The following SRSF4 variants were observed in gnomAD, a reference collection of about 807,000 sequenced individuals.
SRSF4 encodes serine/arginine-rich splicing factor 4.
In SRSF4, 12 loss-of-function variants were observed where a neutral mutation model predicts 48.8. That is an observed-to-expected ratio of 0.25 (90% CI 0.16 to 0.40). SRSF4 has a LOEUF of 0.40. Among genes scored for constraint, SRSF4 ranks in the 10% least tolerant of loss-of-function variants. SRSF4 has a pLI of 1.00. For synonymous variants in SRSF4, 248 were observed against 232.5 expected (o/e 1.07, Z -0.61); for missense variants, 466 against 667.1 (o/e 0.70, Z 3.32).
intron 4 of SRSF4, among the ~76,000 whole-genome samples, chr1:29,152,846 G>C (rs1420852137): frequency 1.3e-5 from 2 of 151,576 alleles, no homozygotes; most frequent in African/African-American, 4.8e-5. Flanking sequence ...TTGAACCCGG[G>C]AGGTGGAAGT....
At chr1:29,150,315 A>G (rs922636360) in intron 4 of SRSF4, 123 bp from the exon 5 acceptor site, 13 of 423,542 alleles carry the variant, frequency 3.1e-5, no homozygotes, top group Non-Finnish European at 4.7e-5. Context: ...CCCAGGCTGG[A>G]GTGCAATGGC....
chr1:29,181,625 A>G, intron 1 of SRSF4, 21 bp downstream of exon 1: 2 of 1,567,114 alleles, frequency 1.3e-6, no homozygotes, highest in Non-Finnish European at 8.6e-7. Flanking sequence ...GCCCGGCCGG[A>G]CCCTCTTTCG....
At chr1:29,153,307 T>A (rs1315186335) in intron 4 of SRSF4, among the ~76,000 whole-genome samples, 2 of 151,864 alleles carry the variant, frequency 1.3e-5, no homozygotes, top group African/African-American at 4.8e-5. Flanking sequence ...CTGGCTAATT[T>A]TTTTTTACTT....
At chr1:29,149,363 G>A in intron 5 of SRSF4, 137 bp from the exon 6 acceptor site, 1 of 1,131,922 alleles carries the variant, frequency 8.8e-7, no homozygotes, top group South Asian at 1.6e-5. Context: ...ATTGTTTTCT[G>A]AACCCTCACA....
intron 1 of SRSF4, among the ~76,000 whole-genome samples, chr1:29,164,736 G>C (rs1376084476): frequency 6.6e-6 from 1 of 151,008 alleles, no homozygotes; most frequent in Non-Finnish European, 1.5e-5. Context: ...AGCAGGGATT[G>C]ACAGAAACAC....
Position 29,159,034 on chromosome 1 carries a change from A to T in SRSF4, c.363+340T>A, listed in dbSNP as rs948481284. ...AGATGGAGAATTGCTTGAACCCGGGAGGCGGAGGCTGCAGTGAGCAGAGAT... is the reference window on the plus strand; with the variant it reads ...AGATGGAGAATTGCTTGAACCCGGGTGGCGGAGGCTGCAGTGAGCAGAGAT... On this transcript the variant is annotated intron_variant, in intron 3 of 5. Transcript: ENST00000373795. Among the ~76,000 whole-genome samples the T allele has an allele frequency of 4.6e-5, 7 of 151,704 alleles. No individual in the cohort carries two copies. In the East Asian group the frequency reaches 1.4e-3, roughly 30 times the overall value.
intron 1 of SRSF4, among the ~76,000 whole-genome samples, chr1:29,175,019 A>AGTGC (rs1672817434): frequency 6.6e-6 from 1 of 151,700 alleles, no homozygotes; most frequent in Non-Finnish European, 1.5e-5. Context: ...AGAGAGACAG[A>AGTGC]GTGCGTGCGT....
chr1:29,158,906 G>A (rs1672548227), intron 3 of SRSF4, among the ~76,000 whole-genome samples: 1 of 152,040 alleles, frequency 6.6e-6, no homozygotes, highest in African/African-American at 2.4e-5. Context: ...TGGATCACAA[G>A]GTCAGGAGTT....
chr1:29,149,281 G>C, intron 5 of SRSF4, 55 bp from the exon 6 acceptor site: 1 of 1,574,866 alleles, frequency 6.3e-7, no homozygotes, highest in Non-Finnish European at 8.6e-7. Context: ...CTAATCAGGA[G>C]ATAAAAAGAC....
chr1:29,164,738 C>A (rs907806965), intron 1 of SRSF4, among the ~76,000 whole-genome samples: 3 of 150,570 alleles, frequency 2.0e-5, no homozygotes, highest in Non-Finnish European at 1.5e-5. Context: ...CAGGGATTGA[C>A]AGAAACACAA....
chr1:29,149,819 A>T (rs573909209), intron 5 of SRSF4, among the ~76,000 whole-genome samples: 1 of 152,076 alleles, frequency 6.6e-6, no homozygotes, highest in East Asian at 1.9e-4. Context: ...ATTTGAGGTC[A>T]TGAGTTTAAG....
chr1:29,178,353 C>CTTTTTTTTTTTT (rs3061128), intron 1 of SRSF4, among the ~76,000 whole-genome samples: 12 of 127,906 alleles, frequency 9.4e-5, no homozygotes, highest in South Asian at 5.0e-4. Flanking sequence ...GTTTCAATTA[C>CTTTTTTTTTTTT]TTTTTTTTTT....
At chr1:29,151,845 A>G (rs1672415027) in intron 4 of SRSF4, among the ~76,000 whole-genome samples, 2 of 152,278 alleles carry the variant, frequency 1.3e-5, no homozygotes, top group African/African-American at 4.8e-5. Flanking sequence ...ATAAATGTAC[A>G]GTGTGCTTGT....
intron 1 of SRSF4, among the ~76,000 whole-genome samples, chr1:29,179,601 A>C (rs939262217): frequency 4.6e-5 from 7 of 152,308 alleles, no homozygotes; most frequent in Admixed American, 1.3e-4. Context: ...TTCACACTTC[A>C]GCTGGGATTG....
In SRSF4 at chr1:29,148,869, G is replaced by A. The variant is rs773287115; in HGVS notation, c.1026C>T (p.Ser342=). 2 of 1,603,900 alleles carry A rather than the reference G, an allele frequency of 1.2e-6. No individual in the cohort carries two copies. The highest frequency in any genetic ancestry group is 2.2e-5 in the South Asian group (2 of 90,790). The change falls in exon 6 of 6, where the codon AGC becomes AGT. Residue 342 remains serine (S), a synonymous_variant. Coordinates refer to ENST00000373795, the MANE Select transcript of SRSF4 (RefSeq NM_005626.5). ...TGCTCTTGCTGCGGCTCCTGCTCCG[G>A]CTCCTGCTGCCCCCTTTGCTCCTGC... ...SRSRSKGGSR[S]RSRSRSKSKD...
chr1:29,174,606 T>G (rs573517782), intron 1 of SRSF4, among the ~76,000 whole-genome samples: 1 of 150,598 alleles, frequency 6.6e-6, no homozygotes, highest in Non-Finnish European at 1.5e-5. Flanking sequence ...TATAGTATGA[T>G]TCCAAGTTTG....
intron 1 of SRSF4, among the ~76,000 whole-genome samples, chr1:29,180,133 T>C (rs1036104705): frequency 2.0e-5 from 3 of 152,234 alleles, no homozygotes; most frequent in Non-Finnish European, 4.4e-5. Context: ...TTCAGAGAAG[T>C]AACTTGCCCA....
chr1:29,150,187 C>A lies in SRSF4; in HGVS notation c.584G>T (p.Arg195Leu), dbSNP rs1229902434. The A allele has an allele frequency of 1.2e-6, 2 of 1,613,562 alleles. No individual in the cohort carries two copies. The highest frequency in any genetic ancestry group is 8.5e-7 in the Non-Finnish European group (1 of 1,179,756). ...CTTACGGGAATGTCTGCTTCGAGAG[C>A]GAGACCTAGGGGGAGAAAATATTTT... ...YSRSRSHSRS[R>L]SRSRHSRKSR... Residue 195 changes from arginine (R) to leucine (L), a missense_variant, in exon 5 of 6, where the codon CGC becomes CTC. This residue lies in a region of SRSF4 where 402 missense variants were observed against 437.0 expected (regional missense o/e 0.92). Coordinates refer to ENST00000373795, the MANE Select transcript of SRSF4 (RefSeq NM_005626.5).
intron 1 of SRSF4, among the ~76,000 whole-genome samples, chr1:29,164,847 GAAGAAACTCCTTTC>G (rs1672647521): frequency 6.6e-6 from 1 of 152,186 alleles, no homozygotes; most frequent in African/African-American, 2.4e-5. Flanking sequence ...TCAAGTAAGA[GAAGAAACTCCTTTC>G]TTTAATGTTT....
Sources: allele counts gnomAD v4.1 joint callset (sites outside exome capture counted in the v4.1 genomes callset), GRCh38; gene constraint gnomAD v4.1.1; regional missense constraint gnomAD v4.1.1; transcripts MANE v1.5; gene names NCBI Gene and HGNC (gene_info 2026-07-23, HGNC 2026-07-21).